Variants in SLAMF7 observed in about 807,000 individuals in gnomAD.
SLAMF7 encodes the protein SLAM family member 7.
In SLAMF7, 26 loss-of-function variants were observed where a neutral mutation model predicts 34.1. The observed-to-expected ratio is 0.76, with a 90% CI of 0.56 to 1.06. The LOEUF (loss-of-function observed/expected upper bound fraction) is 1.06, where lower values mean the gene tolerates loss of function less well. SLAMF7 is among the 50% of genes least tolerant of loss of function. The pLI, the probability that SLAMF7 is intolerant of heterozygous loss-of-function variation, is 0.00. For missense variants in SLAMF7, 399 were observed against 402.5 expected (o/e 0.99, Z 0.07); for synonymous variants, 171 against 156.4 (o/e 1.09, Z -0.70).
intron 4 of SLAMF7, chr1:160,751,085 T>C: frequency 4.5e-6 from 2 of 441,332 alleles, no homozygotes; most frequent in East Asian, 8.9e-5. Context: ...TGAAAGTGTC[T>C]TTGACTTTCT....
At chr1:160,751,748 G>C (rs1457603452) in intron 5 of SLAMF7, 1 of 274,678 alleles carries the variant, frequency 3.6e-6, no homozygotes, top group African/African-American at 2.2e-5. Flanking sequence ...TTTTGCATAA[G>C]GCAGTGGGTA....
upstream of SLAMF7, chr1:160,739,139 G>A: frequency 1.4e-6 from 1 of 690,382 alleles, no homozygotes; most frequent in African/African-American, 1.8e-5. Context: ...TGGTGGCAAG[G>A]TAAAATGCTC....
intron 6 of SLAMF7, 47 bp from the exon 7 acceptor site, chr1:160,753,059 A>G (rs1293831910): frequency 2.6e-6 from 4 of 1,568,430 alleles, no homozygotes; most frequent in Non-Finnish European, 3.5e-6. Context: ...GACGATCCAG[A>G]GCCCTGCTCA....
At chr1:160,752,056 C>T in intron 5 of SLAMF7, 130 bp from the exon 6 acceptor site, 1 of 684,112 alleles carries the variant, frequency 1.5e-6, no homozygotes, top group East Asian at 2.8e-5. Context: ...TTCCAGAACC[C>T]TCCTTTTCCT....
In SLAMF7 at chr1:160,753,900, A is replaced by G. The variant is rs1664825210; in HGVS notation, c.*723A>G. On this transcript the variant is annotated 3_prime_UTR_variant, in exon 7 of 7. Coordinates refer to ENST00000368043, the MANE Select transcript of SLAMF7 (RefSeq NM_021181.5). ...GCTGACCATGTTTGGCAGATACTAT[A>G]ATGGAGACACAGAAGTGTGCATGGC... 1 of 152,490 alleles carries G rather than the reference A, an allele frequency of 6.6e-6. No individual in the cohort carries two copies. The allele number at this position is 152,490 out of a possible 1,614,324, so 9.4% of individuals were successfully genotyped here.
Position 160,753,441 on chromosome 1 carries a change from A to T in SLAMF7, c.*264A>T, listed in dbSNP as rs1664793804. On this transcript the variant is annotated 3_prime_UTR_variant, in exon 7 of 7. Coordinates refer to ENST00000368043, the MANE Select transcript of SLAMF7 (RefSeq NM_021181.5). The stretch of plus-strand genomic sequence containing the variant: ...ATTGTGAATGTCAGCAAACCATAAA[A>T]AAAGTGCTTAGAAGTATTCCTATAA... 1 of 489,636 alleles carries T rather than the reference A, an allele frequency of 2.0e-6. No homozygotes were observed. The highest frequency in any genetic ancestry group is 1.9e-5 in the African/African-American group (1 of 51,430). The allele number at this position is 489,636 out of a possible 1,614,324, so 30.3% of individuals were successfully genotyped here. A position where few individuals can be genotyped will look rare whatever the true frequency, so the allele number is the denominator to read the frequency against.
chr1:160,744,062 A>T lies in SLAMF7; in HGVS notation c.56-4132A>T, dbSNP rs368744850. On this transcript the variant is annotated intron_variant, in intron 1 of 6. Transcript: ENST00000368043. ...CAACTCCGTAAGTGCCAGAATTATG[A>T]CTGTCTTGCTCCCCAGTTATACCCT... is the stretch of plus-strand genomic sequence containing the variant. 5.2e-4 allele frequency among the ~76,000 whole-genome samples: 79 copies of T among 152,310 alleles called. 1 individual carries two copies. In the East Asian group the frequency reaches 9.3e-3, roughly 18 times the overall value.
chr1:160,739,272 C>T lies in SLAMF7; in HGVS notation c.-30C>T, dbSNP rs569164097. 31 of 1,610,254 alleles carry T rather than the reference C, an allele frequency of 1.9e-5. No individual in the cohort carries two copies. The African/African-American group carries it at 2.1e-4, about 11-fold the overall frequency. ...GTAATACCTAAGAGGGAAGTGGCTT[C>T]ATTTCAGTGGCTGACTTCCAGAGAG... On this transcript the variant is annotated 5_prime_UTR_variant, in exon 1 of 7. Coordinates refer to ENST00000368043, the MANE Select transcript of SLAMF7 (RefSeq NM_021181.5).
intron 2 of SLAMF7, among the ~76,000 whole-genome samples, chr1:160,749,204 G>A (rs1167504390): frequency 2.0e-5 from 3 of 152,162 alleles, no homozygotes; most frequent in African/African-American, 7.2e-5. Flanking sequence ...GGGAACAGAA[G>A]ATATGTATTC....
At position 160,754,456 on chromosome 1, in the gene SLAMF7, CA is replaced by C. The variant is rs928733244; in HGVS notation, c.*1282del. ...AACGAGAGCAAAACTCCAATACAAA[CA>C]AACAAACAAACACCTGTGCTAGGTC... On this transcript the variant is annotated 3_prime_UTR_variant, in exon 7 of 7. Coordinates refer to ENST00000368043, the MANE Select transcript of SLAMF7 (RefSeq NM_021181.5). The C allele has an allele frequency of 6.6e-6, 1 of 152,286 alleles. No homozygotes were observed. The highest frequency in any genetic ancestry group is 2.4e-5 in the African/African-American group (1 of 41,408). 9.4% of individuals were successfully genotyped at this position (152,286 alleles called of 1,614,324 possible). A position where few individuals can be genotyped will look rare whatever the true frequency, so the allele number is the denominator to read the frequency against.
chr1:160,744,678 T>G (rs570136910), intron 1 of SLAMF7, among the ~76,000 whole-genome samples: 1 of 152,342 alleles, frequency 6.6e-6, no homozygotes, highest in South Asian at 2.1e-4. Context: ...TTCCTCACCT[T>G]AAATTATAGC....
intron 1 of SLAMF7, among the ~76,000 whole-genome samples, chr1:160,744,727 G>A (rs1355141341): frequency 6.6e-6 from 1 of 152,186 alleles, no homozygotes; most frequent in Non-Finnish European, 1.5e-5. Flanking sequence ...CTTGAAGGTT[G>A]CCCTAAGTGT....
At chr1:160,744,511 T>C (rs1663986980) in intron 1 of SLAMF7, among the ~76,000 whole-genome samples, 1 of 152,236 alleles carries the variant, frequency 6.6e-6, no homozygotes, top group Admixed American at 6.5e-5. Context: ...AAACAATGCG[T>C]TTGGCAACAT....
chr1:160,745,839 T>A (rs917761382), intron 1 of SLAMF7, among the ~76,000 whole-genome samples: 24 of 152,366 alleles, frequency 1.6e-4, no homozygotes, highest in African/African-American at 5.5e-4. Flanking sequence ...TTAGGCATAC[T>A]CTTTACAATA....
At chr1:160,742,251 A>C (rs1056454647) in intron 1 of SLAMF7, among the ~76,000 whole-genome samples, 1 of 152,086 alleles carries the variant, frequency 6.6e-6, no homozygotes, top group African/African-American at 2.4e-5. Context: ...TACAGAGGAA[A>C]TCTCACAGCT....
intron 1 of SLAMF7, among the ~76,000 whole-genome samples, chr1:160,743,806 A>T (rs1371707865): frequency 6.6e-6 from 1 of 152,118 alleles, no homozygotes; most frequent in Non-Finnish European, 1.5e-5. Flanking sequence ...CTCCCACCTC[A>T]GCCTCTCGAG....
In SLAMF7 at chr1:160,748,323, C is replaced by T. The variant is rs751710698; in HGVS notation, c.185C>T (p.Thr62Ile). 1.2e-5 allele frequency: 19 copies of T among 1,613,914 alleles called. No homozygotes were observed. In the South Asian group the frequency reaches 2.1e-4, roughly 18 times the overall value. The stretch of plus-strand genomic sequence containing the variant: ...ACCTTCAACACAACCCCTCTTGTCA[C>T]CATACAGCCAGAAGGGGGCACTATC... Reference protein sequence around the residue: ...VWTFNTTPLVTIQPEGGTIIV... With the variant: ...VWTFNTTPLVIIQPEGGTIIV... The change falls in exon 2 of 7, where the codon ACC becomes ATC. Residue 62 changes from threonine to isoleucine, a missense_variant. Transcript: ENST00000368043.
intron 5 of SLAMF7, chr1:160,751,862 C>CTATATATA (rs60757043): frequency 7.2e-5 from 3 of 41,914 alleles, no homozygotes; most frequent in Admixed American, 3.1e-4. Context: ...CTCTCTCTCT[C>CTATATATA]TATATATATA....
chr1:160,750,112 T>A lies in SLAMF7; in HGVS notation c.649+19T>A, dbSNP rs1462564618. ...TGTGAAGGTGACTGCCTCTCCCCTC[T>A]CCACAGGAGACTCTGCCCAGGTCCT... On this transcript the variant is annotated intron_variant, in intron 3 of 6. Transcript: ENST00000368043. 1 of 1,610,120 alleles carries A rather than the reference T, an allele frequency of 6.2e-7. No individual in the cohort carries two copies. The highest frequency in any genetic ancestry group is 2.2e-5 in the East Asian group (1 of 44,812).
Sources: allele counts gnomAD v4.1 joint callset (sites outside exome capture counted in the v4.1 genomes callset), GRCh38; gene constraint gnomAD v4.1.1; transcripts MANE v1.5; gene names NCBI Gene and HGNC (gene_info 2026-07-23, HGNC 2026-07-21).